Variants in RFX3 observed in about 807,000 individuals in gnomAD.
RFX3 encodes the protein transcription factor RFX3.
In RFX3, 14 loss-of-function variants were observed where a neutral mutation model predicts 98.6. That is an observed-to-expected ratio of 0.14 (90% CI 0.09 to 0.22). The LOEUF is 0.22. Among genes scored for constraint, RFX3 ranks in the 10% least tolerant of loss-of-function variants. RFX3 has a pLI of 1.00. For synonymous variants in RFX3, 383 were observed against 328.4 expected, an observed-to-expected ratio of 1.17 and a Z score of -1.80; for missense variants, 639 against 926.9, an observed-to-expected ratio of 0.69 and a Z score of 4.03.
At chr9:3,310,125 G>A (rs1829791157) in intron 4 of RFX3, among the ~76,000 whole-genome samples, 1 of 152,160 alleles carries the variant, frequency 6.6e-6, no homozygotes, top group African/African-American at 2.4e-5. Context: ...TGGAGCACAG[G>A]GATCATTTAG....
At chr9:3,314,786 C>T (rs910748137) in intron 4 of RFX3, among the ~76,000 whole-genome samples, 1 of 152,022 alleles carries the variant, frequency 6.6e-6, no homozygotes, top group Non-Finnish European at 1.5e-5. Flanking sequence ...AGGGCCATTA[C>T]ATAATGGTAA....
At chr9:3,266,398 C>T (rs1173377862) in intron 11 of RFX3, 93 bp from the exon 12 acceptor site, 2 of 722,666 alleles carry the variant, frequency 2.8e-6, no homozygotes, top group African/African-American at 3.5e-5. Flanking sequence ...TACACAATAT[C>T]TGATACAGCA....
chr9:3,222,437 A>AT lies in RFX3; in HGVS notation c.*2604dup, dbSNP rs1364202425. ...CGATCCCTAAGCCTCATCAATCTAA[A>AT]TTTGCCCATTATTACCAGATTCCTG... On this transcript the variant is annotated 3_prime_UTR_variant, in exon 17 of 17. Coordinates refer to ENST00000617270, the MANE Select transcript of RFX3 (RefSeq NM_001282116.2). 6.6e-6 allele frequency: 1 copy of AT among 152,184 alleles called. No homozygotes were observed. Among genetic ancestry groups the AT allele is most frequent in the African/African-American group, 2.4e-5 (1 of 41,460 alleles). The allele number at this position is 152,184 out of a possible 1,614,324, so 9.4% of individuals were successfully genotyped here. A position where few individuals can be genotyped will look rare whatever the true frequency, so the allele number is the denominator to read the frequency against.
At chr9:3,394,111 A>G (rs907214258) in intron 2 of RFX3, among the ~76,000 whole-genome samples, 2 of 152,194 alleles carry the variant, frequency 1.3e-5, no homozygotes, top group African/African-American at 4.8e-5. Context: ...AGGGATGGGA[A>G]AGTTGTATAT....
intron 1 of RFX3, among the ~76,000 whole-genome samples, chr9:3,401,542 A>C (rs1841472020): frequency 6.6e-6 from 1 of 152,216 alleles, no homozygotes; most frequent in African/African-American, 2.4e-5. Flanking sequence ...ATATTTGTTT[A>C]TCAGTCACAA....
chr9:3,469,188 T>C (rs1343132958), intron 1 of RFX3: 2 of 456,080 alleles, frequency 4.4e-6, no homozygotes, highest in East Asian at 1.4e-4. Flanking sequence ...ATGTCCAAAG[T>C]TGAACTGCTG....
At chr9:3,354,595 A>G (rs890220035) in intron 2 of RFX3, among the ~76,000 whole-genome samples, 2 of 151,948 alleles carry the variant, frequency 1.3e-5, no homozygotes, top group Non-Finnish European at 2.9e-5. Context: ...AAATATTTCA[A>G]ACTAAATTTC....
At chr9:3,290,871 G>A (rs1340763124) in intron 6 of RFX3, among the ~76,000 whole-genome samples, 2 of 152,112 alleles carry the variant, frequency 1.3e-5, no homozygotes, top group African/African-American at 2.4e-5. Flanking sequence ...CTTGGCATTT[G>A]AAGAAACAAC....
At chr9:3,482,439 T>C (rs1239287123) in intron 1 of RFX3, among the ~76,000 whole-genome samples, 5 of 152,180 alleles carry the variant, frequency 3.3e-5, no homozygotes, top group Admixed American at 6.5e-5. Flanking sequence ...TTACTTTCTT[T>C]GTACGTTTCT....
intron 7 of RFX3, among the ~76,000 whole-genome samples, chr9:3,281,856 G>A (rs1825952890): frequency 6.6e-6 from 1 of 151,712 alleles, no homozygotes; most frequent in African/African-American, 2.4e-5. Flanking sequence ...ACAGTCCAAT[G>A]GAAGGCAAAG....
At position 3,299,857 on chromosome 9, in the gene RFX3, T is replaced by C. The variant is rs938051102; in HGVS notation, c.549+1689A>G. On this transcript the variant is annotated intron_variant, in intron 5 of 16. Transcript: ENST00000617270. ...ATACTTCCATTATTGTTCATAAAAA[T>C]ACTAAGATGAATAACTGAAGTTAAA... Among the ~76,000 whole-genome samples, 5 of 151,860 alleles carry C rather than the reference T, an allele frequency of 3.3e-5. No individual in the cohort carries two copies. The South Asian group carries it at 8.3e-4, about 25-fold the overall frequency.
In RFX3 at chr9:3,222,346, T is replaced by G. The variant is rs560613862; in HGVS notation, c.*2696A>C. On this transcript the variant is annotated 3_prime_UTR_variant, in exon 17 of 17. Transcript: ENST00000617270. Reference sequence around the variant, plus strand: ...AAATGTAATAATGTTTTATTAGTTCTTAATCTGTCCTAATTTAGAACAAAC... The same window carrying G: ...AAATGTAATAATGTTTTATTAGTTCGTAATCTGTCCTAATTTAGAACAAAC... 1.2e-4 allele frequency: 18 copies of G among 152,326 alleles called. No homozygotes were observed. In the South Asian group the frequency reaches 3.5e-3, roughly 30 times the overall value. 9.4% of individuals were successfully genotyped at this position (152,326 alleles called of 1,614,324 possible).
At chr9:3,450,477 A>G (rs577646701) in intron 1 of RFX3, among the ~76,000 whole-genome samples, 1 of 152,174 alleles carries the variant, frequency 6.6e-6, no homozygotes, top group Non-Finnish European at 1.5e-5. Flanking sequence ...TTAGTGATAC[A>G]AAAGAAAGTA....
At chr9:3,429,731 A>G (rs1023436476) in intron 1 of RFX3, among the ~76,000 whole-genome samples, 1 of 152,212 alleles carries the variant, frequency 6.6e-6, no homozygotes, top group Non-Finnish European at 1.5e-5. Flanking sequence ...GGGTAGCTAC[A>G]CATCTCCATG....
At chr9:3,366,874 AAGT>A (rs2131491029) in intron 2 of RFX3, among the ~76,000 whole-genome samples, 2 of 152,154 alleles carry the variant, frequency 1.3e-5, no homozygotes, top group South Asian at 4.1e-4. Flanking sequence ...CCACTCAAAA[AAGT>A]AGTAGTTTCC....
chr9:3,386,653 G>A (rs1839749324), intron 2 of RFX3, among the ~76,000 whole-genome samples: 1 of 152,096 alleles, frequency 6.6e-6, no homozygotes, highest in Non-Finnish European at 1.5e-5. Flanking sequence ...AGAGATAATA[G>A]TCAATAGTAT....
intron 5 of RFX3, among the ~76,000 whole-genome samples, chr9:3,300,366 C>T (rs1358749022): frequency 6.6e-6 from 1 of 151,516 alleles, no homozygotes; most frequent in Non-Finnish European, 1.5e-5. Flanking sequence ...GTTTTGTTTT[C>T]CATGATACTT....
At chr9:3,503,773 A>G (rs1816305957) in intron 1 of RFX3, among the ~76,000 whole-genome samples, 1 of 152,152 alleles carries the variant, frequency 6.6e-6, no homozygotes, top group African/African-American at 2.4e-5. Flanking sequence ...GATGATAGCT[A>G]TGCTATATAA....
chr9:3,326,177 C>T (rs1479306025), intron 4 of RFX3, among the ~76,000 whole-genome samples: 1 of 151,762 alleles, frequency 6.6e-6, no homozygotes, highest in South Asian at 2.1e-4. Flanking sequence ...TATCTATATA[C>T]ATATATATAA....
Sources: allele counts gnomAD v4.1 joint callset (sites outside exome capture counted in the v4.1 genomes callset), GRCh38; gene constraint gnomAD v4.1.1; transcripts MANE v1.5; gene names NCBI Gene and HGNC (gene_info 2026-07-23, HGNC 2026-07-21).